The following PGC variants were observed in gnomAD, a reference collection of about 807,000 sequenced individuals.
The protein encoded by PGC is progastricsin.
Under a neutral mutation model 45.9 loss-of-function variants are expected in PGC, and 31 were observed. The ratio of observed to expected loss-of-function variants is 0.67; its 90% CI spans 0.51 to 0.91. The LOEUF is 0.91. Ranked by LOEUF, PGC falls within the 40% of genes least tolerant of loss-of-function variation. The probability of loss-of-function intolerance (pLI) is 0.00; values close to 1 mark genes in which losing one functional copy is unlikely to be tolerated. For synonymous variants in PGC, 192 were observed against 201.8 expected (o/e 0.95, Z 0.41); for missense variants, 477 against 493.2 (o/e 0.97, Z 0.31).
chr6:41,742,498 G>A lies in PGC; in HGVS notation c.448-9C>T, dbSNP rs1233310106. On this transcript the variant is annotated splice_polypyrimidine_tract_variant and intron_variant, in intron 4 of 8. Coordinates refer to ENST00000373025, the MANE Select transcript of PGC (RefSeq NM_002630.4). ...ACCTGGATGCTCTGGACCTAATGGA[G>A]ACACAAACGAGGGGAGGTGACCAGT... The A allele has an allele frequency of 1.9e-6, 3 of 1,613,068 alleles. No homozygotes were observed. In the South Asian group the frequency reaches 3.3e-5, roughly 18 times the overall value.
chr6:41,738,219 TATATATGC>T (rs1324183180), intron 7 of PGC, among the ~76,000 whole-genome samples: 2 of 44,606 alleles, frequency 4.5e-5, no homozygotes, highest in South Asian at 6.6e-4. Context: ...TATATGCATA[TATATATGC>T]ATATATATAT....
chr6:41,743,005 G>A (rs537879493), intron 4 of PGC, among the ~76,000 whole-genome samples: 11 of 152,246 alleles, frequency 7.2e-5, no homozygotes, highest in Admixed American at 2.0e-4. Context: ...CTCCTCACCC[G>A]TCTCCTTCTT....
intron 5 of PGC, chr6:41,740,860 T>A: frequency 2.8e-6 from 4 of 1,431,834 alleles, no homozygotes; most frequent in Non-Finnish European, 3.6e-6. Context: ...TGTGTCTCCC[T>A]CAGACTGGGG....
In PGC at chr6:41,738,147, T is replaced by TATATATATGC. The variant is rs1561879605; in HGVS notation, c.916-320_916-319insGCATATATAT. Among the ~76,000 whole-genome samples the TATATATATGC allele has an allele frequency of 3.6e-3, 207 of 56,834 alleles. 18 individuals carry two copies. Among genetic ancestry groups the TATATATATGC allele is most frequent in the African/African-American group, 0.012 (189 of 15,232 alleles). The allele number at this position is 56,834 out of a possible 152,430, so 37.3% of individuals were successfully genotyped here. On this transcript the variant is annotated intron_variant, in intron 7 of 8. Coordinates refer to ENST00000373025, the MANE Select transcript of PGC (RefSeq NM_002630.4). ...ACATATATATGCATATATATATGCA[T>TATATATATGC]ATATATATACATATATATGCATATA...
intron 7 of PGC, among the ~76,000 whole-genome samples, chr6:41,738,228 A>G (rs574201566): frequency 4.8e-5 from 1 of 20,994 alleles, no homozygotes; most frequent in African/African-American, 1.4e-4. Context: ...ATATATATGC[A>G]TATATATATG....
chr6:41,740,000 G>C (rs947680909), intron 6 of PGC, 54 bp from the exon 7 acceptor site: 1 of 1,555,542 alleles, frequency 6.4e-7, no homozygotes, highest in Non-Finnish European at 8.8e-7. Flanking sequence ...AGGGCAGCTG[G>C]GGCGGGCTTT....
intron 5 of PGC, among the ~76,000 whole-genome samples, chr6:41,741,475 G>T (rs993279352): frequency 3.9e-5 from 6 of 152,062 alleles, no homozygotes; most frequent in Non-Finnish European, 8.8e-5. Flanking sequence ...GTGAAACCCC[G>T]TCTCTACTAA....
At chr6:41,740,056 A>G (rs1771793465) in intron 6 of PGC, 110 bp from the exon 7 acceptor site, 1 of 917,516 alleles carries the variant, frequency 1.1e-6, no homozygotes. Context: ...TCTTGAGGAA[A>G]GTGAGGACCC....
chr6:41,738,075 C>G (rs1771721415), intron 7 of PGC, among the ~76,000 whole-genome samples: 1 of 148,510 alleles, frequency 6.7e-6, no homozygotes, highest in Non-Finnish European at 1.5e-5. Context: ...CCTCGATTTC[C>G]CATATTAAAG....
chr6:41,742,781 C>T (rs1260585874), intron 4 of PGC, among the ~76,000 whole-genome samples: 1 of 152,192 alleles, frequency 6.6e-6, no homozygotes, highest in Non-Finnish European at 1.5e-5. Context: ...CGTGCCACCA[C>T]GCTCAGCTAA....
rs1330163320 is a variant in PGC at position 41,736,982 on chromosome 6, C to T, written c.1037G>A (p.Gly346Glu). 1.2e-6 allele frequency: 2 copies of T among 1,613,878 alleles called. No individual in the cohort carries two copies. Among genetic ancestry groups the T allele is most frequent in the Non-Finnish European group, 1.7e-6 (2 of 1,179,932 alleles). ...ILSNNGYCTV[G>E]VEPTYLSSQN... ...GGAGGACAGGTAGGTGGGCTCGACT[C>T]CCACGGTGCAGTAGCCGTTGTTCTG... Residue 346 changes from glycine (G) to glutamate (E), a missense_variant, in exon 9 of 9, where the codon GGA becomes GAA. Physicochemically the swap from Gly to Glu is moderately conservative, Grantham distance 98 (BLOSUM62 -2). Transcript: ENST00000373025.
Position 41,742,244 on chromosome 6 carries a change from C to CG in PGC, c.647+45dup, listed in dbSNP as rs757972354. On this transcript the variant is annotated intron_variant, in intron 5 of 8. Transcript: ENST00000373025. The stretch of plus-strand genomic sequence containing the variant: ...CTGAGCCTCAGTCGTCCAGGGCGGC[C>CG]GGGGGAGCATCCCGGGAGGTGGGGA... The CG allele has an allele frequency of 2.6e-6, 4 of 1,563,810 alleles. No homozygotes were observed. The South Asian group carries it at 3.3e-5, about 13-fold the overall frequency.
chr6:41,740,104 A>G (rs1248690361), intron 6 of PGC, among the ~76,000 whole-genome samples, 158 bp from the exon 7 acceptor site: 1 of 152,228 alleles, frequency 6.6e-6, no homozygotes. Flanking sequence ...GCATCATGCC[A>G]TGGGACCTAG....
At chr6:41,740,665 C>T (rs1771805815) in intron 5 of PGC, 55 bp from the exon 6 acceptor site, 2 of 1,541,214 alleles carry the variant, frequency 1.3e-6, no homozygotes, top group Admixed American at 2.0e-5. Context: ...AAGGACTTTC[C>T]TCCTGAGCAG....
At chr6:41,740,741 A>G (rs1325000767) in intron 5 of PGC, 131 bp from the exon 6 acceptor site, 1 of 1,461,504 alleles carries the variant, frequency 6.8e-7, no homozygotes, top group African/African-American at 1.4e-5. Context: ...GAGAGCACTG[A>G]GTCTCCCTTC....
In PGC at chr6:41,739,840, G is replaced by T. The variant is rs1771788430; in HGVS notation, c.874C>A (p.Leu292Ile). 1 of 1,614,148 alleles carries T rather than the reference G, an allele frequency of 6.2e-7. No homozygotes were observed. Residue 292 changes from leucine (L) to isoleucine (I), a missense_variant, in exon 7 of 9, where the codon CTT (leucine) becomes ATT (isoleucine). Transcript: ENST00000373025. ...LTVPQQYMSA[L>I]LQATGAQEDE... Reference sequence around the variant, plus strand: ...TCCTGGGCCCCTGTGGCCTGCAGAAGAGCACTCATGTACTGCTGGGGCACA... The same window carrying T: ...TCCTGGGCCCCTGTGGCCTGCAGAATAGCACTCATGTACTGCTGGGGCACA...
rs1392613225 is a variant in PGC at position 41,740,574 on chromosome 6, C to A, written c.684G>T (p.Gly228=). 1.2e-6 allele frequency: 2 copies of A among 1,605,946 alleles called. No individual in the cohort carries two copies. The highest frequency in any genetic ancestry group is 1.7e-6 in the Non-Finnish European group (2 of 1,176,302). The stretch of plus-strand genomic sequence containing the variant: ...CCGTGTACAGGCTGCTATCCACACC[C>A]CCAAAGACAACCGCTCCCCCGCTGG... The part of the protein sequence containing the change: ...QGSSGGAVVF[G]GVDSSLYTGQ... The change falls in exon 6 of 9, where the codon GGG becomes GGT. Residue 228 remains glycine (G), a synonymous_variant. Coordinates refer to ENST00000373025, the MANE Select transcript of PGC (RefSeq NM_002630.4).
At chr6:41,743,962 C>T (rs1049169212) in intron 3 of PGC, among the ~76,000 whole-genome samples, 1 of 152,162 alleles carries the variant, frequency 6.6e-6, no homozygotes, top group African/African-American at 2.4e-5. Context: ...GAGCCCACAT[C>T]CTATATTGTT....
chr6:41,744,728 T>G lies in PGC; in HGVS notation c.140A>C (p.Lys47Thr). 1 of 1,614,136 alleles carries G rather than the reference T, an allele frequency of 6.2e-7. No homozygotes were observed. Residue 47 changes from lysine to threonine, a missense_variant, in exon 2 of 9, where the codon AAG (lysine) becomes ACG (threonine). Transcript: ENST00000373025. This position sits in a 1 kb window ranked among gnomAD's most constrained non-coding sequence, Gnocchi z 4.4. Reference sequence around the variant, plus strand: ...GCGGTACTTCCAAGCAGGATCATACTTGTGGGTCCTCAGGAACTCCCCCAG... The same window carrying G: ...GCGGTACTTCCAAGCAGGATCATACGTGTGGGTCCTCAGGAACTCCCCCAG... ...GLLGEFLRTH[K>T]YDPAWKYRFG...
Sources: allele counts gnomAD v4.1 joint callset (sites outside exome capture counted in the v4.1 genomes callset), GRCh38; gene constraint gnomAD v4.1.1; non-coding constraint Gnocchi (gnomAD v3.1); transcripts MANE v1.5; gene names NCBI Gene and HGNC (gene_info 2026-07-23, HGNC 2026-07-21).